The following CAVIN3 variants were observed in gnomAD, a reference collection of about 807,000 sequenced individuals.
The protein encoded by CAVIN3 is caveolae-associated protein 3.
A neutral mutation model predicts 8.2 loss-of-function variants in CAVIN3; 11 were observed. The observed-to-expected ratio is 1.35, with a 90% confidence interval of 0.85 to 2.23. The LOEUF (loss-of-function observed/expected upper bound fraction) is 2.23, where lower values mean the gene tolerates loss of function less well. Among genes scored for constraint, CAVIN3 ranks in the 30% most tolerant of loss-of-function variants. The pLI, the probability that CAVIN3 is intolerant of heterozygous loss-of-function variation, is 0.00. For missense variants in CAVIN3, 401 were observed against 359.5 expected, an observed-to-expected ratio of 1.12 and a Z score of -0.93; for synonymous variants, 191 against 166.3, an observed-to-expected ratio of 1.15 and a Z score of -1.14.
Position 6,319,450 on chromosome 11 carries a change from C to T in CAVIN3, c.499G>A (p.Asp167Asn), listed in dbSNP as rs1233817787. 1.2e-6 allele frequency: 2 copies of T among 1,611,076 alleles called. No homozygotes were observed. The highest frequency in any genetic ancestry group is 1.3e-5 in the African/African-American group (1 of 75,054). ...QLEAEVGESS[D>N]EEPVESRAQR... ...GCCCTGGACTCCACCGGCTCCTCGT[C>T]CGAGCTCTCTCCAACTTCGGCCTCC... is the stretch of plus-strand genomic sequence containing the variant. Residue 167 changes from aspartate (D) to asparagine (N), a missense_variant, in exon 2 of 2, where the codon GAC becomes AAC. Asp to Asn is a conservative substitution (Grantham distance 23). Coordinates refer to ENST00000303927, the MANE Select transcript of CAVIN3 (RefSeq NM_145040.3).
rs754413107 is a variant in CAVIN3, at chr11:6,320,122, G to T, written c.355C>A (p.Arg119Ser). 6.3e-7 allele frequency: 1 copy of T among 1,588,818 alleles called. No individual in the cohort carries two copies. The highest frequency in any genetic ancestry group is 1.3e-5 in the African/African-American group (1 of 74,208). ...AAGAGCAGAACGTGGAGCTTCCCGCGCGCCACCAGCAGCCCGTGGTTGGCC... is the reference window on the plus strand; with the variant it reads ...AAGAGCAGAACGTGGAGCTTCCCGCTCGCCACCAGCAGCCCGTGGTTGGCC... The part of the protein sequence containing the change: ...LEANHGLLVA[R>S]GKLHVLLFKE... Residue 119 changes from arginine to serine, a missense_variant, in exon 1 of 2, where the codon CGC (arginine) becomes AGC (serine). Transcript: ENST00000303927.
At position 6,320,328 on chromosome 11, in the gene CAVIN3, T is replaced by A; in HGVS notation, c.149A>T (p.Gln50Leu). The A allele has an allele frequency of 6.4e-7, 1 of 1,564,360 alleles. No individual in the cohort carries two copies. The highest frequency in any genetic ancestry group is 8.6e-7 in the Non-Finnish European group (1 of 1,163,976). ...RERQGGLARR[Q>L]GGLAGSVRRI... The stretch of plus-strand genomic sequence containing the variant: ...GCGCACGGACCCTGCCAGGCCTCCC[T>A]GCCTTCGAGCCAGGCCTCCCTGCCG... Residue 50 changes from glutamine (Q) to leucine (L), a missense_variant, in exon 1 of 2, where the codon CAG becomes CTG. Transcript: ENST00000303927.
At position 6,320,218 on chromosome 11, in the gene CAVIN3, G is replaced by C. The variant is rs933302386; in HGVS notation, c.259C>G (p.Arg87Gly). The C allele has an allele frequency of 6.4e-7, 1 of 1,563,462 alleles. No homozygotes were observed. Among genetic ancestry groups the C allele is most frequent in the Non-Finnish European group, 8.6e-7 (1 of 1,161,794 alleles). The change falls in exon 1 of 2, where the codon CGC becomes GGC. Residue 87 changes from arginine (R) to glycine (G), a missense_variant. Physicochemically the swap from Arg to Gly is moderately radical, Grantham distance 125 (BLOSUM62 -2). Transcript: ENST00000303927. ...TLAQLLAKAERVSSHANAAQE... is the reference protein window; with the variant it reads ...TLAQLLAKAEGVSSHANAAQE... ...GCGGCGTTGGCGTGCGAGCTCACGC[G>C]CTCCGCCTTGGCCAGCAGCTGCGCC... is the stretch of plus-strand genomic sequence containing the variant.
In CAVIN3 at chr11:6,320,411, G is replaced by C. The variant is rs773417069; in HGVS notation, c.66C>G (p.Ala22=). The C allele has an allele frequency of 1.3e-6, 2 of 1,565,960 alleles. No individual in the cohort carries two copies. Among genetic ancestry groups the C allele is most frequent in the African/African-American group, 1.4e-5 (1 of 73,014 alleles). Residue 22 remains alanine, a synonymous_variant, in exon 1 of 2, where the codon GCC becomes GCG. Transcript: ENST00000303927. The stretch of plus-strand genomic sequence containing the variant: ...TCTCCAGCAGGGTCACCACCGTCAC[G>C]GCGTGCACGGGACCCCCCGCCGGCG... The part of the protein sequence containing the change: ...PEAPAGGPVH[A]VTVVTLLEKL...
rs773881423 is a variant in CAVIN3 at position 6,319,520 on chromosome 11, C to T, written c.429G>A (p.Glu143=). 9 of 1,596,508 alleles carry T rather than the reference C, an allele frequency of 5.6e-6. No homozygotes were observed. The highest frequency in any genetic ancestry group is 1.7e-5 in the Admixed American group (1 of 58,970). The change falls in exon 2 of 2, where the codon GAG becomes GAA. Residue 143 remains glutamate, a synonymous_variant. Transcript: ENST00000303927. ...VPASAFQKAP[E]PLGPADQSEL... ...CGGACTGGTCCGCCGGGCCCAAGGG[C>T]TCTGGTGCCTTCTGGAAAGCGCTGG...
At position 6,319,329 on chromosome 11, in the gene CAVIN3, AC is replaced by A. The variant is rs750032041; in HGVS notation, c.619del (p.Val207SerfsTer54). ...GCCAGGCCCAAGGCGAGGCGGCTTG[AC>A]CGGGGTGGGCGGTGGCGCTGCAGGG... ...KGPAAPPPTP[V>X]KPPRLGPGRS... is the part of the protein sequence containing the mutation. On this transcript the variant is annotated frameshift_variant, in exon 2 of 2. Coordinates refer to ENST00000303927, the MANE Select transcript of CAVIN3 (RefSeq NM_145040.3). LOFTEE classifies it low-confidence loss of function (END_TRUNC). 6.2e-7 allele frequency: 1 copy of A among 1,603,184 alleles called. No individual in the cohort carries two copies. The highest frequency in any genetic ancestry group is 8.5e-7 in the Non-Finnish European group (1 of 1,175,442).
At chr11:6,320,061 C>T (rs778279587) in intron 1 of CAVIN3, 32 bp downstream of exon 1, 8 of 1,549,128 alleles carry the variant, frequency 5.2e-6, no homozygotes, top group Non-Finnish European at 3.5e-6. Context: ...CCGGCAAAGG[C>T]CTCGGATTGG....
Position 6,319,040 on chromosome 11 carries a change from G to T in CAVIN3, c.*123C>A. The T allele has an allele frequency of 1.0e-6, 1 of 982,772 alleles. No homozygotes were observed. 60.9% of individuals were successfully genotyped at this position (982,772 alleles called of 1,614,324 possible). A position where few individuals can be genotyped will look rare whatever the true frequency, so the allele number is the denominator to read the frequency against. On this transcript the variant is annotated 3_prime_UTR_variant, in exon 2 of 2. Transcript: ENST00000303927. Reference sequence around the variant, plus strand: ...CACAGGACTGGGCTTAAGGAAGGGAGGGCCAGAGCGCCCGCCTTGGTGGAT... The same window carrying T: ...CACAGGACTGGGCTTAAGGAAGGGATGGCCAGAGCGCCCGCCTTGGTGGAT...
rs1564899699 is a variant in CAVIN3 at position 6,319,258 on chromosome 11, T to TGGGCTCCAGCGC, written c.679_690dup (p.Ala227_Pro230dup). 3 of 1,604,668 alleles carry TGGGCTCCAGCGC rather than the reference T, an allele frequency of 1.9e-6. No individual in the cohort carries two copies. The highest frequency in any genetic ancestry group is 1.7e-5 in the Admixed American group (1 of 57,876). ...TCCTGCGGAGGCTCTGGCTCCAGCG[T>TGGGCTCCAGCGC]GGGCTCCAGCGCAGGCTGGGCTTCC... On this transcript the variant is annotated inframe_insertion, in exon 2 of 2. Coordinates refer to ENST00000303927, the MANE Select transcript of CAVIN3 (RefSeq NM_145040.3).
In CAVIN3 at chr11:6,320,441, G is replaced by C; in HGVS notation, c.36C>G (p.Pro12=). The change falls in exon 1 of 2, where the codon CCC becomes CCG. Residue 12 remains proline, a synonymous_variant. Coordinates refer to ENST00000303927, the MANE Select transcript of CAVIN3 (RefSeq NM_145040.3). ...RESALERGPV[P]EAPAGGPVHA... is the part of the protein sequence containing the mutation. ...GCACGGGACCCCCCGCCGGCGCCTC[G>C]GGCACAGGCCCCCGCTCCAACGCAC... 6.5e-7 allele frequency: 1 copy of C among 1,546,942 alleles called. No homozygotes were observed. Among genetic ancestry groups the C allele is most frequent in the Non-Finnish European group, 8.7e-7 (1 of 1,153,776 alleles).
Position 6,319,840 on chromosome 11 carries a change from C to G in CAVIN3, c.384+253G>C, listed in dbSNP as rs1846793073. On this transcript the variant is annotated intron_variant, in intron 1 of 1. Coordinates refer to ENST00000303927, the MANE Select transcript of CAVIN3 (RefSeq NM_145040.3). The stretch of plus-strand genomic sequence containing the variant: ...TTTTAGGGATTGGCTGGGACTCAGA[C>G]CAAATTCTGCGGACGTGGCCTGAGC... 4 of 666,074 alleles carry G rather than the reference C, an allele frequency of 6.0e-6. No individual in the cohort carries two copies. The South Asian group carries it at 7.2e-5, about 12-fold the overall frequency. The allele number at this position is 666,074 out of a possible 1,614,324, so 41.3% of individuals were successfully genotyped here.
chr11:6,319,388 C>G lies in CAVIN3; in HGVS notation c.561G>C (p.Gln187His), dbSNP rs996001883. The G allele has an allele frequency of 6.2e-7, 1 of 1,609,674 alleles. No individual in the cohort carries two copies. Among genetic ancestry groups the G allele is most frequent in the African/African-American group, 1.3e-5 (1 of 74,818 alleles). Residue 187 changes from glutamine (Q) to histidine (H), a missense_variant, in exon 2 of 2, where the codon CAG (glutamine) becomes CAC (histidine). Physicochemically the swap from Gln to His is conservative, Grantham distance 24 (BLOSUM62 0). Coordinates refer to ENST00000303927, the MANE Select transcript of CAVIN3 (RefSeq NM_145040.3). ...GGCCCGAAAGGGCCCTTCGGAGGCT[C>G]TGTACCTTCTGCAATCCGGTGCGCC... Reference protein sequence around the residue: ...RLRRTGLQKVQSLRRALSGRK... With the variant: ...RLRRTGLQKVHSLRRALSGRK...
chr11:6,319,248 G>C lies in CAVIN3; in HGVS notation c.701C>G (p.Pro234Arg). The C allele has an allele frequency of 1.2e-6, 2 of 1,601,510 alleles. No individual in the cohort carries two copies. Among genetic ancestry groups the C allele is most frequent in the Non-Finnish European group, 1.7e-6 (2 of 1,174,976 alleles). Residue 234 changes from proline to arginine, a missense_variant, in exon 2 of 2, where the codon CCA becomes CGA. Transcript: ENST00000303927. ...TTCCTCGGTGTCCTGCGGAGGCTCT[G>C]GCTCCAGCGTGGGCTCCAGCGCAGG... The part of the protein sequence containing the change: ...AQPALEPTLE[P>R]EPPQDTEEDP...
At position 6,319,421 on chromosome 11, in the gene CAVIN3, C is replaced by T; in HGVS notation, c.528G>A (p.Gln176=). 6.2e-7 allele frequency: 1 copy of T among 1,611,676 alleles called. No homozygotes were observed. Among genetic ancestry groups the T allele is most frequent in the South Asian group, 1.1e-5 (1 of 90,926 alleles). The change falls in exon 2 of 2, where the codon CAG becomes CAA. Residue 176 remains glutamine, a synonymous_variant. Coordinates refer to ENST00000303927, the MANE Select transcript of CAVIN3 (RefSeq NM_145040.3). ...TCTGCAATCCGGTGCGCCGCAGCCG[C>T]TGGGCCCTGGACTCCACCGGCTCCT... ...SDEEPVESRA[Q]RLRRTGLQKV...
At position 6,319,208 on chromosome 11, in the gene CAVIN3, A is replaced by T. The variant is rs778670696; in HGVS notation, c.741T>A (p.Pro247=). ...PQDTEEDPGR[P]GAAEEALLQM... is the part of the protein sequence containing the mutation. ...GGAGCAGAGCTTCTTCGGCAGCCCC[A>T]GGTCTCCCGGGATCTTCCTCGGTGT... Residue 247 remains proline (P), a synonymous_variant, in exon 2 of 2, where the codon CCT becomes CCA. Transcript: ENST00000303927. 7.7e-6 allele frequency: 12 copies of T among 1,551,768 alleles called. No individual in the cohort carries two copies. The highest frequency in any genetic ancestry group is 1.0e-5 in the Non-Finnish European group (12 of 1,153,428).
Position 6,319,079 on chromosome 11 carries a change from C to CT in CAVIN3, c.*83dup. 7.1e-7 allele frequency: 1 copy of CT among 1,408,444 alleles called. No individual in the cohort carries two copies. The highest frequency in any genetic ancestry group is 2.6e-5 in the Admixed American group (1 of 38,586). The allele number at this position is 1,408,444 out of a possible 1,614,324, so 87.2% of individuals were successfully genotyped here. On this transcript the variant is annotated 3_prime_UTR_variant, in exon 2 of 2. Coordinates refer to ENST00000303927, the MANE Select transcript of CAVIN3 (RefSeq NM_145040.3). Reference sequence around the variant, plus strand: ...GCCTTGGTGGATGTAGGATTCGCTCCTTATTAGGGCGTGAGTGCTACATTC... The same window carrying CT: ...GCCTTGGTGGATGTAGGATTCGCTCCTTTATTAGGGCGTGAGTGCTACATTC...
chr11:6,319,008 C>A lies in CAVIN3; in HGVS notation c.*155G>T. The A allele has an allele frequency of 2.2e-5, 14 of 640,518 alleles. No individual in the cohort carries two copies. Among genetic ancestry groups the A allele is most frequent in the South Asian group, 1.3e-4 (4 of 29,790 alleles). The allele number at this position is 640,518 out of a possible 1,614,324, so 39.7% of individuals were successfully genotyped here. A position where few individuals can be genotyped will look rare whatever the true frequency, so the allele number is the denominator to read the frequency against. On this transcript the variant is annotated 3_prime_UTR_variant, in exon 2 of 2. Coordinates refer to ENST00000303927, the MANE Select transcript of CAVIN3 (RefSeq NM_145040.3). ...CAGGTGTGAGTGACTGCACCTCTTT[C>A]AGAGGACACAGGACTGGGCTTAAGG...
rs1051992 is a variant in CAVIN3, at chr11:6,319,476, A to G, written c.473T>C (p.Leu158Pro). 873,438 of 1,606,178 alleles carry G rather than the reference A, an allele frequency of 0.54. 239,745 individuals carry two copies. The highest frequency in any genetic ancestry group is 0.61 in the East Asian group (27,576 of 44,852). The stretch of plus-strand genomic sequence containing the variant: ...CGAGCTCTCTCCAACTTCGGCCTCC[A>G]GCTGCTCTGGGCCCAGCTCGGACTG... ...ADQSELGPEQ[L>P]EAEVGESSDE... is the part of the protein sequence containing the mutation. Residue 158 changes from leucine to proline, a missense_variant, in exon 2 of 2, where the codon CTG becomes CCG. Physicochemically the swap from Leu to Pro is moderately conservative, Grantham distance 98. Coordinates refer to ENST00000303927, the MANE Select transcript of CAVIN3 (RefSeq NM_145040.3).
chr11:6,319,199 G>C lies in CAVIN3; in HGVS notation c.750C>G (p.Ala250=). 6.5e-7 allele frequency: 1 copy of C among 1,541,942 alleles called. No individual in the cohort carries two copies. The part of the protein sequence containing the change: ...TEEDPGRPGA[A]EEALLQMESV... ...TCTCCATTTGGAGCAGAGCTTCTTCGGCAGCCCCAGGTCTCCCGGGATCTT... is the reference window on the plus strand; with the variant it reads ...TCTCCATTTGGAGCAGAGCTTCTTCCGCAGCCCCAGGTCTCCCGGGATCTT... The change falls in exon 2 of 2, where the codon GCC becomes GCG. Residue 250 remains alanine, a synonymous_variant. Coordinates refer to ENST00000303927, the MANE Select transcript of CAVIN3 (RefSeq NM_145040.3).
Sources: allele counts gnomAD v4.1 joint callset, GRCh38; gene constraint gnomAD v4.1.1; transcripts MANE v1.5; gene names NCBI Gene and HGNC (gene_info 2026-07-23, HGNC 2026-07-21).